Variants in DEPTOR observed in about 807,000 individuals in gnomAD.
The protein encoded by DEPTOR is DEP domain containing MTOR interacting protein.
DEPTOR carries 41 observed loss-of-function variants against 41.6 expected under a neutral mutation model. The observed-to-expected ratio is 0.98, with a 90% confidence interval of 0.77 to 1.28. The LOEUF is 1.28. DEPTOR is among the 50% of genes most tolerant of loss of function. The probability of loss-of-function intolerance (pLI) is 0.00; values close to 1 mark genes in which losing one functional copy is unlikely to be tolerated. For synonymous variants in DEPTOR, 195 were observed against 192.3 expected (o/e 1.01, Z -0.12); for missense variants, 514 against 527.9 (o/e 0.97, Z 0.26).
At chr8:119,914,538 C>A (rs562621737) in intron 1 of DEPTOR, among the ~76,000 whole-genome samples, 1 of 152,120 alleles carries the variant, frequency 6.6e-6, no homozygotes. Flanking sequence ...CTCCCAGGTT[C>A]AAGTGATTCT....
At chr8:119,942,793 G>A (rs537396653) in intron 3 of DEPTOR, among the ~76,000 whole-genome samples, 9 of 152,270 alleles carry the variant, frequency 5.9e-5, no homozygotes, top group African/African-American at 2.2e-4. Flanking sequence ...CTGAGTCTCT[G>A]TTTTTTCATG....
chr8:119,966,525 C>A (rs1236841845), intron 4 of DEPTOR, among the ~76,000 whole-genome samples: 1 of 152,218 alleles, frequency 6.6e-6, no homozygotes, highest in Non-Finnish European at 1.5e-5. Flanking sequence ...CCTTCCGTCA[C>A]CCAGGCTGGA....
chr8:119,933,857 T>C (rs1373974391), intron 3 of DEPTOR, among the ~76,000 whole-genome samples: 1 of 152,062 alleles, frequency 6.6e-6, no homozygotes, highest in Non-Finnish European at 1.5e-5. Flanking sequence ...ACCATGTTGA[T>C]TTTTGGGAAC....
chr8:119,919,610 C>A (rs906832876), intron 1 of DEPTOR, among the ~76,000 whole-genome samples: 29 of 152,094 alleles, frequency 1.9e-4, no homozygotes, highest in African/African-American at 6.0e-4. Flanking sequence ...AGTGACTTTC[C>A]CTGGGTTCTC....
At chr8:119,875,222 T>C (rs948249619) in intron 1 of DEPTOR, among the ~76,000 whole-genome samples, 1 of 152,108 alleles carries the variant, frequency 6.6e-6, no homozygotes, top group Non-Finnish European at 1.5e-5. Flanking sequence ...GAACAAGTTT[T>C]GTGTGAGCAA....
chr8:119,978,325 G>C (rs1828722195), intron 4 of DEPTOR, among the ~76,000 whole-genome samples: 1 of 152,044 alleles, frequency 6.6e-6, no homozygotes. Context: ...TTTTCAGTGG[G>C]GCCTGTAGAA....
At chr8:119,953,531 C>T (rs943512386) in intron 3 of DEPTOR, among the ~76,000 whole-genome samples, 1 of 148,190 alleles carries the variant, frequency 6.7e-6, no homozygotes, top group African/African-American at 2.5e-5. Context: ...GTGGAGGTTG[C>T]AGTAAGCCAA....
intron 6 of DEPTOR, among the ~76,000 whole-genome samples, chr8:120,005,009 G>GC (rs1176108817): frequency 2.0e-5 from 3 of 152,020 alleles, no homozygotes; most frequent in Non-Finnish European, 2.9e-5. Flanking sequence ...AAGCAAATAA[G>GC]CTTCCAAGGA....
At chr8:119,894,991 C>T (rs1827499942) in intron 1 of DEPTOR, among the ~76,000 whole-genome samples, 2 of 152,164 alleles carry the variant, frequency 1.3e-5, no homozygotes, top group African/African-American at 4.8e-5. Context: ...ACATGAAATG[C>T]ATTCCATGGT....
intron 1 of DEPTOR, among the ~76,000 whole-genome samples, chr8:119,890,437 G>T (rs1187646414): frequency 6.6e-6 from 1 of 151,952 alleles, no homozygotes; most frequent in East Asian, 1.9e-4. Context: ...CAAGTAGCTG[G>T]GATTACATGC....
In DEPTOR at chr8:119,931,281, C is replaced by G. The variant is rs146542588; in HGVS notation, c.425+1343C>G. On this transcript the variant is annotated intron_variant, in intron 3 of 8. Transcript: ENST00000286234. The stretch of plus-strand genomic sequence containing the variant: ...TTGTACAGTGGTTGGGGGTAAGGGT[C>G]TGGGTGGGTGTCTGAGTGGTCAGAT... Among the ~76,000 whole-genome samples, 880 of 152,138 alleles carry G rather than the reference C, an allele frequency of 5.8e-3. 10 individuals carry two copies. The highest frequency in any genetic ancestry group is 0.021 in the African/African-American group (858 of 41,502).
intron 1 of DEPTOR, among the ~76,000 whole-genome samples, chr8:119,916,885 G>T (rs1165393525): frequency 6.6e-6 from 1 of 152,140 alleles, no homozygotes; most frequent in African/African-American, 2.4e-5. Context: ...TTTAAGACAG[G>T]GTCTGGATTT....
At chr8:119,903,432 A>G (rs1190384362) in intron 1 of DEPTOR, among the ~76,000 whole-genome samples, 1 of 152,160 alleles carries the variant, frequency 6.6e-6, no homozygotes, top group Admixed American at 6.6e-5. Context: ...GTTTGTTGCC[A>G]TAAGTCACTC....
chr8:120,047,529 A>G (rs553248313), intron 8 of DEPTOR, among the ~76,000 whole-genome samples: 48 of 150,950 alleles, frequency 3.2e-4, no homozygotes, highest in Admixed American at 2.1e-3. Flanking sequence ...CACCACGCCC[A>G]GCTAATTTTT....
intron 3 of DEPTOR, among the ~76,000 whole-genome samples, chr8:119,942,126 A>T (rs907104205): frequency 3.3e-5 from 5 of 152,350 alleles, no homozygotes; most frequent in Admixed American, 3.3e-4. Context: ...GCCAGAAGCC[A>T]TCAGCCCTAG....
At chr8:119,919,672 A>G (rs535371169) in intron 1 of DEPTOR, among the ~76,000 whole-genome samples, 109 of 152,176 alleles carry the variant, frequency 7.2e-4, no homozygotes, top group Middle Eastern at 3.4e-3. Context: ...AAAGGAGGAG[A>G]GCTGTAGTTT....
intron 1 of DEPTOR, among the ~76,000 whole-genome samples, chr8:119,918,701 G>A (rs570722767): frequency 1.2e-4 from 18 of 152,070 alleles, no homozygotes; most frequent in Non-Finnish European, 1.0e-4. Context: ...CCTTGTGATC[G>A]GCCCTCCTTG....
chr8:119,913,659 A>G (rs1283066327), intron 1 of DEPTOR, among the ~76,000 whole-genome samples: 1 of 152,178 alleles, frequency 6.6e-6, no homozygotes, highest in Non-Finnish European at 1.5e-5. Flanking sequence ...GGTGTCCATA[A>G]AAACCTGAGA....
chr8:119,917,269 C>G (rs1402263542), intron 1 of DEPTOR, among the ~76,000 whole-genome samples: 7 of 152,152 alleles, frequency 4.6e-5, no homozygotes, highest in African/African-American at 1.4e-4. Flanking sequence ...TGCTAATACT[C>G]CATGTTGATT....
Sources: allele counts gnomAD v4.1 joint callset (sites outside exome capture counted in the v4.1 genomes callset), GRCh38; gene constraint gnomAD v4.1.1; transcripts MANE v1.5; gene names NCBI Gene and HGNC (gene_info 2026-07-23, HGNC 2026-07-21).